Variants in C1QTNF7 observed in about 807,000 individuals in gnomAD.
The protein encoded by C1QTNF7 is complement C1q tumor necrosis factor-related protein 7.
Under a neutral mutation model 19.6 loss-of-function variants are expected in C1QTNF7, and 15 were observed. The ratio of observed to expected loss-of-function variants is 0.76; its 90% CI spans 0.51 to 1.18. The LOEUF is 1.18. C1QTNF7 is among the 50% of genes most tolerant of loss of function. The probability of loss-of-function intolerance (pLI) is 0.00; values close to 1 mark genes in which losing one functional copy is unlikely to be tolerated. For missense variants in C1QTNF7, 324 were observed against 359.7 expected, an observed-to-expected ratio of 0.90 and a Z score of 0.80; for synonymous variants, 142 against 137.5, an observed-to-expected ratio of 1.03 and a Z score of -0.23.
At chr4:15,410,696 G>C (rs1197167567) in intron 1 of C1QTNF7, among the ~76,000 whole-genome samples, 1 of 152,100 alleles carries the variant, frequency 6.6e-6, no homozygotes, top group Non-Finnish European at 1.5e-5. Context: ...CAGTTTTAGA[G>C]ATATGAAATT....
intron 1 of C1QTNF7, chr4:15,381,891 G>T (rs1450741927): frequency 6.6e-6 from 1 of 152,156 alleles, no homozygotes; most frequent in African/African-American, 2.4e-5. Flanking sequence ...CTCTATCAGT[G>T]CATGCCAAGA....
chr4:15,356,372 A>T (rs1310160525), intron 1 of C1QTNF7, among the ~76,000 whole-genome samples: 2 of 147,726 alleles, frequency 1.4e-5, no homozygotes, highest in African/African-American at 2.5e-5. Context: ...TTCCTGTGTT[A>T]GTTTGCTGAG....
intron 1 of C1QTNF7, among the ~76,000 whole-genome samples, chr4:15,348,077 G>A (rs896456693): frequency 6.6e-6 from 1 of 152,174 alleles, no homozygotes. Context: ...CTAGAAGATA[G>A]TTACTTTAGG....
At chr4:15,414,775 G>C (rs1303460001) in intron 1 of C1QTNF7, among the ~76,000 whole-genome samples, 1 of 152,078 alleles carries the variant, frequency 6.6e-6, no homozygotes, top group Non-Finnish European at 1.5e-5. Context: ...TCTGATTCTA[G>C]AGTTGTTCTA....
At chr4:15,419,522 C>T (rs1037825393) in intron 1 of C1QTNF7, among the ~76,000 whole-genome samples, 3 of 152,036 alleles carry the variant, frequency 2.0e-5, no homozygotes, top group Non-Finnish European at 4.4e-5. Context: ...AACAGAAGAC[C>T]TATGCATACA....
intron 1 of C1QTNF7, among the ~76,000 whole-genome samples, chr4:15,430,095 T>G (rs1483728472): frequency 6.6e-6 from 1 of 152,126 alleles, no homozygotes; most frequent in Non-Finnish European, 1.5e-5. Context: ...CTAAATAAAT[T>G]CACAAAATAC....
At chr4:15,358,413 G>A (rs1244150429) in intron 1 of C1QTNF7, 1 of 152,150 alleles carries the variant, frequency 6.6e-6, no homozygotes, top group African/African-American at 2.4e-5. Flanking sequence ...TTGCATCCCA[G>A]GGATGAAGCT....
chr4:15,411,567 G>A (rs1351066539), intron 1 of C1QTNF7, among the ~76,000 whole-genome samples: 5 of 152,192 alleles, frequency 3.3e-5, no homozygotes, highest in Non-Finnish European at 7.4e-5. Context: ...ATGTGAAAGT[G>A]GTTAGTAGGA....
chr4:15,382,589 T>C (rs1269400833), intron 1 of C1QTNF7, among the ~76,000 whole-genome samples: 1 of 152,192 alleles, frequency 6.6e-6, no homozygotes, highest in African/African-American at 2.4e-5. Flanking sequence ...AGATAATGCA[T>C]TAGAAGCCCC....
At chr4:15,422,078 G>C (rs1367545465) in intron 1 of C1QTNF7, among the ~76,000 whole-genome samples, 1 of 152,060 alleles carries the variant, frequency 6.6e-6, no homozygotes, top group Non-Finnish European at 1.5e-5. Context: ...GGAGGGAATG[G>C]AAATGCTCTG....
chr4:15,391,953 A>T (rs1162975227), intron 1 of C1QTNF7, among the ~76,000 whole-genome samples: 1 of 152,146 alleles, frequency 6.6e-6, no homozygotes, highest in African/African-American at 2.4e-5. Context: ...ACAGACAGGC[A>T]GTGAGAGAGA....
intron 1 of C1QTNF7, among the ~76,000 whole-genome samples, chr4:15,372,748 T>C (rs1717779567): frequency 6.6e-6 from 1 of 152,232 alleles, no homozygotes; most frequent in East Asian, 1.9e-4. Context: ...CAAGATACCG[T>C]GGATGCCTTT....
chr4:15,344,872 C>G (rs1716663699), intron 1 of C1QTNF7, among the ~76,000 whole-genome samples: 1 of 152,196 alleles, frequency 6.6e-6, no homozygotes, highest in Non-Finnish European at 1.5e-5. Context: ...CAAAATTCAA[C>G]TGTCTACCTC....
chr4:15,425,051 A>T (rs1447439545), upstream of C1QTNF7, among the ~76,000 whole-genome samples: 1 of 152,092 alleles, frequency 6.6e-6, no homozygotes, highest in Non-Finnish European at 1.5e-5. Context: ...TAAATAAGTG[A>T]TGAAGTAATA....
At chr4:15,355,761 T>C (rs1717123139) in intron 1 of C1QTNF7, among the ~76,000 whole-genome samples, 1 of 152,052 alleles carries the variant, frequency 6.6e-6, no homozygotes, top group Non-Finnish European at 1.5e-5. Context: ...GTCTGGTGGG[T>C]TGGACTGGTG....
At chr4:15,389,791 TA>T (rs2108898238) in intron 1 of C1QTNF7, among the ~76,000 whole-genome samples, 1 of 152,240 alleles carries the variant, frequency 6.6e-6, no homozygotes, top group South Asian at 2.1e-4. Context: ...GAGATTTTCA[TA>T]AACTGTCTTG....
At chr4:15,340,258 C>T in intron 1 of C1QTNF7, 1 of 1,544,218 alleles carries the variant, frequency 6.5e-7, no homozygotes, top group Non-Finnish European at 8.8e-7. Context: ...CCTATTCGGC[C>T]TTCATCAAAA....
rs998975635 is a variant in C1QTNF7 at position 15,443,450 on chromosome 4, G to A, written c.*651G>A. On this transcript the variant is annotated 3_prime_UTR_variant, in exon 3 of 3. Transcript: ENST00000444304. ...AAACTATCACAATTCAGTGTGATGAGCAGCATAGCAAACAGATGGATTTGA... is the reference window on the plus strand; with the variant it reads ...AAACTATCACAATTCAGTGTGATGAACAGCATAGCAAACAGATGGATTTGA... 2 of 152,232 alleles carry A rather than the reference G, an allele frequency of 1.3e-5. No individual in the cohort carries two copies. The highest frequency in any genetic ancestry group is 2.9e-5 in the Non-Finnish European group (2 of 68,048). The allele number at this position is 152,232 out of a possible 1,614,324, so 9.4% of individuals were successfully genotyped here.
At position 15,344,675 on chromosome 4, in the gene C1QTNF7, C is replaced by T. The variant is rs115976538; in HGVS notation, c.13+4468C>T. Among the ~76,000 whole-genome samples the T allele has an allele frequency of 5.4e-3, 824 of 152,302 alleles. 7 individuals are homozygous for T. Among genetic ancestry groups the T allele is most frequent in the African/African-American group, 0.019 (782 of 41,550 alleles). ...AGTTCCCTATTCGATCAGCAGGTTC[C>T]AAACTTCTCTTTCATATCAAGCAGG... On this transcript the variant is annotated intron_variant, in intron 1 of 2. Transcript: ENST00000295297.
Sources: allele counts gnomAD v4.1 joint callset (sites outside exome capture counted in the v4.1 genomes callset), GRCh38; gene constraint gnomAD v4.1.1; transcripts MANE v1.5; gene names NCBI Gene and HGNC (gene_info 2026-07-23, HGNC 2026-07-21).